Variants in ADAMTS19 observed in about 807,000 individuals in gnomAD.
ADAMTS19 encodes A disintegrin and metalloproteinase with thrombospondin motifs 19.
ADAMTS19 carries 93 observed loss-of-function variants against 153.3 expected under a neutral mutation model. The observed-to-expected ratio is 0.61, with a 90% CI of 0.51 to 0.72. The LOEUF (loss-of-function observed/expected upper bound fraction) is 0.72, where lower values mean the gene tolerates loss of function less well. ADAMTS19 is among the 30% of genes least tolerant of loss of function. The pLI is 0.00. For missense variants in ADAMTS19, 1,482 were observed against 1,552.1 expected, an observed-to-expected ratio of 0.95 and a Z score of 0.76; for synonymous variants, 600 against 556.6, an observed-to-expected ratio of 1.08 and a Z score of -1.10.
At chr5:129,634,981 C>T (rs1752471039) in intron 10 of ADAMTS19, among the ~76,000 whole-genome samples, 1 of 152,040 alleles carries the variant, frequency 6.6e-6, no homozygotes, top group African/African-American at 2.4e-5. Flanking sequence ...CAAGAGTGGA[C>T]AGACAGCCTA....
At chr5:129,708,590 C>CAAAAAAAAAAAAAAAAA (rs1174701520) in intron 21 of ADAMTS19, among the ~76,000 whole-genome samples, 3 of 61,820 alleles carry the variant, frequency 4.9e-5, no homozygotes, top group South Asian at 7.6e-4. Flanking sequence ...AGCAGAGAAG[C>CAAAAAAAAAAAAAAAAA]AAAAAAAAAA....
chr5:129,470,396 G>C (rs1046488149), intron 2 of ADAMTS19, among the ~76,000 whole-genome samples: 5 of 152,232 alleles, frequency 3.3e-5, no homozygotes, highest in Admixed American at 6.5e-5. Flanking sequence ...TTTTGGAGCA[G>C]TGGGAGAACC....
chr5:129,509,107 A>G lies in ADAMTS19; in HGVS notation c.778A>G (p.Ile260Val), dbSNP rs1227605853. Reference protein sequence around the residue: ...MGFIQLNEDFIFIEPLNDTMA... With the variant: ...MGFIQLNEDFVFIEPLNDTMA... ...ATTTATACAGCTCAATGAGGACTTCATATTTATTGAGCCACTCAATGATAC... is the reference window on the plus strand; with the variant it reads ...ATTTATACAGCTCAATGAGGACTTCGTATTTATTGAGCCACTCAATGATAC... Residue 260 changes from isoleucine (I) to valine (V), a missense_variant, in exon 3 of 23, where the codon ATA becomes GTA. Physicochemically the swap from Ile to Val is conservative, Grantham distance 29. Around this residue, in one of 2 missense-constraint regions of ADAMTS19, gnomAD observed 866 missense variants for 827.7 expected, o/e 1.05. Transcript: ENST00000274487. 5.0e-6 allele frequency: 8 copies of G among 1,610,924 alleles called. No individual in the cohort carries two copies. The South Asian group carries it at 8.8e-5, about 18-fold the overall frequency.
At position 129,730,943 on chromosome 5, in the gene ADAMTS19, G is replaced by A. The variant is rs970220215; in HGVS notation, c.3313-3989G>A. ...TGTTGTTGTTTTTTTGTTTTGTTTT[G>A]TTTTGTTTTGTTTTGTTTTGTTTTG... On this transcript the variant is annotated intron_variant, in intron 21 of 22. Transcript: ENST00000274487. 7.6e-3 allele frequency among the ~76,000 whole-genome samples: 1,131 copies of A among 148,938 alleles called. 17 individuals carry two copies. Among genetic ancestry groups the A allele is most frequent in the African/African-American group, 0.026 (1,030 of 39,740 alleles).
chr5:129,597,689 G>A (rs201022576), intron 8 of ADAMTS19, among the ~76,000 whole-genome samples: 3 of 151,960 alleles, frequency 2.0e-5, no homozygotes, highest in East Asian at 1.9e-4. Context: ...GGCGGATCAC[G>A]AGATCAAGAG....
Position 129,641,890 on chromosome 5 carries a change from T to C in ADAMTS19, c.1802T>C (p.Val601Ala). Residue 601 changes from valine (V) to alanine (A), a missense_variant, in exon 11 of 23, where the codon GTA becomes GCA. Around this residue, in one of 2 missense-constraint regions of ADAMTS19, gnomAD observed 866 missense variants for 827.7 expected, o/e 1.05. Coordinates refer to ENST00000274487, the MANE Select transcript of ADAMTS19 (RefSeq NM_133638.6). ...ATTTGCACAGGATTATGGTGCAAGG[T>C]AGAAGGTGAGAAAGAATGCAGAACC... ...HVICTGLWCKVEGEKECRTKL... is the reference protein window; with the variant it reads ...HVICTGLWCKAEGEKECRTKL... The C allele has an allele frequency of 1.2e-6, 2 of 1,603,004 alleles. No individual in the cohort carries two copies. The highest frequency in any genetic ancestry group is 1.1e-5 in the South Asian group (1 of 90,002).
intron 11 of ADAMTS19, among the ~76,000 whole-genome samples, chr5:129,645,885 A>ATTTTTTTTTTTTTTTTTTCTTT (rs1753036959): frequency 2.1e-5 from 2 of 97,098 alleles, no homozygotes; most frequent in African/African-American, 8.9e-5. Flanking sequence ...TCCTTTTCCA[A>ATTTTTTTTTTTTTTTTTTCTTT]TTTTTTTTTT....
At position 129,501,923 on chromosome 5, in the gene ADAMTS19, T is replaced by C. The variant is rs554610523; in HGVS notation, c.748-7154T>C. On this transcript the variant is annotated intron_variant, in intron 2 of 22. Coordinates refer to ENST00000274487, the MANE Select transcript of ADAMTS19 (RefSeq NM_133638.6). ...CAGCCATAAACAGATATACAAACTT[T>C]GAGAGGTGGCACTAGTTTGGAAAGA... is the stretch of plus-strand genomic sequence containing the variant. Among the ~76,000 whole-genome samples, 87 of 152,134 alleles carry C rather than the reference T, an allele frequency of 5.7e-4. 1 individual carries two copies. The highest frequency in any genetic ancestry group is 1.1e-3 in the Non-Finnish European group (72 of 68,004).
In ADAMTS19 at chr5:129,547,859, G is replaced by C. The variant is rs1411249781; in HGVS notation, c.1329-4005G>C. Among the ~76,000 whole-genome samples, 5 of 150,718 alleles carry C rather than the reference G, an allele frequency of 3.3e-5. No individual in the cohort carries two copies. In the South Asian group the frequency reaches 1.0e-3, roughly 31 times the overall value. On this transcript the variant is annotated intron_variant, in intron 6 of 22. Coordinates refer to ENST00000274487, the MANE Select transcript of ADAMTS19 (RefSeq NM_133638.6). ...TCAATGGAACAGAACAGAGCCCTCA[G>C]AAATAATGCCACATATCTACAACTA...
chr5:129,730,928 TTTTTGTTTTG>T (rs143197904), intron 21 of ADAMTS19, among the ~76,000 whole-genome samples: 11,364 of 147,350 alleles, frequency 0.077, 465 homozygotes, highest in African/African-American at 0.1. Flanking sequence ...TGTTGTTGTT[TTTTTGTTTTG>T]TTTTGTTTTG....
chr5:129,632,356 T>C (rs564158740), intron 10 of ADAMTS19, among the ~76,000 whole-genome samples: 1 of 151,916 alleles, frequency 6.6e-6, no homozygotes. Flanking sequence ...GATATATATA[T>C]ATAGATATAG....
intron 10 of ADAMTS19, among the ~76,000 whole-genome samples, chr5:129,631,160 G>GGTTTTTTTTTTTTT (rs374691667): frequency 7.8e-6 from 1 of 127,702 alleles, no homozygotes; most frequent in Non-Finnish European, 1.7e-5. Flanking sequence ...AAAATTTTAG[G>GGTTTTTTTTTTTTT]TTTTTTTTTT....
chr5:129,542,539 T>G (rs901683840), intron 6 of ADAMTS19, among the ~76,000 whole-genome samples: 1 of 152,138 alleles, frequency 6.6e-6, no homozygotes, highest in Non-Finnish European at 1.5e-5. Context: ...TTACAAGGTT[T>G]CCTGTTTTGT....
intron 21 of ADAMTS19, among the ~76,000 whole-genome samples, chr5:129,726,037 T>C (rs752590744): frequency 5.3e-4 from 81 of 152,180 alleles, no homozygotes; most frequent in Non-Finnish European, 1.1e-3. Flanking sequence ...CAACTTTCCT[T>C]GTGTCTTGTT....
At chr5:129,622,951 G>A (rs17165204) in intron 10 of ADAMTS19, among the ~76,000 whole-genome samples, 3,657 of 151,964 alleles carry the variant, frequency 0.024, 121 homozygotes, top group African/African-American at 0.078. Flanking sequence ...CCTGGATGTG[G>A]AAACTACAAA....
intron 7 of ADAMTS19, among the ~76,000 whole-genome samples, chr5:129,584,197 C>G (rs895414018): frequency 3.9e-5 from 6 of 152,050 alleles, no homozygotes; most frequent in African/African-American, 1.4e-4. Context: ...CACTCCAGAC[C>G]CTGTTTGCCT....
At chr5:129,571,067 C>A (rs1051195795) in intron 7 of ADAMTS19, among the ~76,000 whole-genome samples, 1 of 151,652 alleles carries the variant, frequency 6.6e-6, no homozygotes, top group East Asian at 1.9e-4. Flanking sequence ...CCCAGATATG[C>A]AATTAGGTGA....
intron 3 of ADAMTS19, 149 bp from the exon 4 acceptor site, chr5:129,526,135 C>T: frequency 3.4e-6 from 2 of 579,818 alleles, no homozygotes; most frequent in East Asian, 6.9e-5. Context: ...CAGTCTGTCT[C>T]ATTCTAAAGT....
intron 16 of ADAMTS19, among the ~76,000 whole-genome samples, chr5:129,667,666 T>C (rs1014498088): frequency 6.6e-6 from 1 of 152,084 alleles, no homozygotes; most frequent in Admixed American, 6.5e-5. Flanking sequence ...TCGGCCATGA[T>C]TGTAAGCTTC....
Sources: gnomAD v4.1 joint callset for allele counts (sites outside exome capture counted in the v4.1 genomes callset) on GRCh38, gnomAD v4.1.1 for gene constraint, gnomAD v4.1.1 regional missense constraint, MANE v1.5 for transcripts, NCBI Gene and HGNC (gene_info 2026-07-23, HGNC 2026-07-21) for gene names.